Variants in WDR36 observed in about 807,000 individuals in gnomAD.
WDR36 encodes WD repeat domain 36.
In WDR36, 63 loss-of-function variants were observed where a neutral mutation model predicts 112.7. The ratio of observed to expected loss-of-function variants is 0.56; its 90% CI spans 0.46 to 0.69. The LOEUF (loss-of-function observed/expected upper bound fraction) is 0.69, where lower values mean the gene tolerates loss of function less well. WDR36 is among the 30% of genes least tolerant of loss of function. The pLI is 0.00. For missense variants in WDR36, 1,226 were observed against 1,070.3 expected (o/e 1.15, Z -2.03); for synonymous variants, 410 against 362.2 (o/e 1.13, Z -1.50).
chr5:111,125,858 GA>G, intron 22 of WDR36, 63 bp downstream of exon 22: 3 of 1,582,742 alleles, frequency 1.9e-6, no homozygotes, highest in Non-Finnish European at 2.6e-6. Flanking sequence ...CTATCTAACA[GA>G]ACTTTCTGCA....
chr5:111,123,491 CTTAA>C lies in WDR36; in HGVS notation c.2149-311_2149-308del, dbSNP rs569501983. On this transcript the variant is annotated intron_variant, in intron 19 of 22. Coordinates refer to ENST00000513710, the MANE Select transcript of WDR36 (RefSeq NM_139281.3). The stretch of plus-strand genomic sequence containing the variant: ...CAATACAAAAGGAAGTTTAAAATTA[CTTAA>C]TTGTTATATCTTCATGTAAATATAT... Among the ~76,000 whole-genome samples, 190 of 152,212 alleles carry C rather than the reference CTTAA, an allele frequency of 1.2e-3. 1 individual carries two copies. Among genetic ancestry groups the C allele is most frequent in the Middle Eastern group, 0.01 (3 of 294 alleles).
intron 16 of WDR36, among the ~76,000 whole-genome samples, chr5:111,116,325 C>T (rs1237102265): frequency 6.6e-6 from 1 of 152,014 alleles, no homozygotes; most frequent in Non-Finnish European, 1.5e-5. Flanking sequence ...TTCTGTCTCA[C>T]CCCACCCCTA....
intron 15 of WDR36, 142 bp downstream of exon 15, chr5:111,111,420 A>T (rs961085280): frequency 9.6e-6 from 7 of 725,442 alleles, no homozygotes; most frequent in African/African-American, 1.8e-5. Flanking sequence ...TTAAAGGAAA[A>T]TTTTGAATTA....
At position 111,109,402 on chromosome 5, in the gene WDR36, T is replaced by C. The variant is rs548710130; in HGVS notation, c.1327-787T>C. Among the ~76,000 whole-genome samples, 7 of 151,488 alleles carry C rather than the reference T, an allele frequency of 4.6e-5. No homozygotes were observed. The South Asian group carries it at 1.2e-3, about 27-fold the overall frequency. On this transcript the variant is annotated intron_variant, in intron 12 of 22. Coordinates refer to ENST00000513710, the MANE Select transcript of WDR36 (RefSeq NM_139281.3). ...ATATTTATGTGATGCAATGTAAATATGTCGTGACAAAGTGGTATGTCAAAC... is the reference window on the plus strand; with the variant it reads ...ATATTTATGTGATGCAATGTAAATACGTCGTGACAAAGTGGTATGTCAAAC...
intron 3 of WDR36, 60 bp downstream of exon 3, chr5:111,097,239 G>T (rs1421000407): frequency 6.3e-6 from 8 of 1,261,482 alleles, no homozygotes; most frequent in African/African-American, 1.5e-5. Flanking sequence ...ATAGTGGAGG[G>T]AACTTTAATT....
At position 111,129,647 on chromosome 5, in the gene WDR36, C is replaced by A. The variant is rs4957925; in HGVS notation, c.*2764C>A. The A allele has an allele frequency of 0.016, 3,344 of 205,198 alleles. 31 individuals carry two copies. Among genetic ancestry groups the A allele is most frequent in the Middle Eastern group, 0.044 (27 of 608 alleles). 12.7% of individuals were successfully genotyped at this position (205,198 alleles called of 1,614,324 possible). On this transcript the variant is annotated 3_prime_UTR_variant, in exon 23 of 23. Coordinates refer to ENST00000513710, the MANE Select transcript of WDR36 (RefSeq NM_139281.3). ...GTTGCCAATGTTTTCTCCTACTTAG[C>A]CATTTGGCTTTAATTTTACATGGTG... is the stretch of plus-strand genomic sequence containing the variant.
rs1753214335 is a variant in WDR36 at position 111,105,914 on chromosome 5, G to GTAA, written c.1094-139_1094-137dup. ...TTCTTAGAATTAAAAAATAACAGTG[G>GTAA]TAATAACATCTTTGTTTTGTTTCTG... On this transcript the variant is annotated intron_variant, in intron 10 of 22. Coordinates refer to ENST00000513710, the MANE Select transcript of WDR36 (RefSeq NM_139281.3). 7.6e-6 allele frequency: 5 copies of GTAA among 655,878 alleles called. No individual in the cohort carries two copies. The South Asian group carries it at 9.2e-5, about 12-fold the overall frequency. 40.6% of individuals were successfully genotyped at this position (655,878 alleles called of 1,614,324 possible). A position where few individuals can be genotyped will look rare whatever the true frequency, so the allele number is the denominator to read the frequency against.
intron 12 of WDR36, among the ~76,000 whole-genome samples, chr5:111,108,130 C>T (rs1354568595): frequency 6.6e-6 from 1 of 151,178 alleles, no homozygotes; most frequent in African/African-American, 2.4e-5. Context: ...TTAGATCTTC[C>T]TTAATTTTTC....
rs370322067 is a variant in WDR36, at chr5:111,122,485, A to G, written c.2149-1320A>G. 3.5e-4 allele frequency among the ~76,000 whole-genome samples: 53 copies of G among 152,268 alleles called. No individual in the cohort carries two copies. In the South Asian group the frequency reaches 5.0e-3, roughly 14 times the overall value. ...ATAACTTCTATTTTTGCTTTTCTTT[A>G]TAAGACTAGATAATTTCCAGGGCAC... On this transcript the variant is annotated intron_variant, in intron 19 of 22. Transcript: ENST00000513710.
chr5:111,127,140 C>T lies in WDR36; in HGVS notation c.*257C>T, dbSNP rs1249433658. Reference sequence around the variant, plus strand: ...TTGCTTGAAGCCAGGAATTTGAGCCCAGCCTGGGCAACATAGCAAGCAAGA... The same window carrying T: ...TTGCTTGAAGCCAGGAATTTGAGCCTAGCCTGGGCAACATAGCAAGCAAGA... On this transcript the variant is annotated 3_prime_UTR_variant, in exon 23 of 23. Coordinates refer to ENST00000513710, the MANE Select transcript of WDR36 (RefSeq NM_139281.3). The T allele has an allele frequency of 8.5e-6, 3 of 354,334 alleles. No individual in the cohort carries two copies. The highest frequency in any genetic ancestry group is 4.5e-5 in the Admixed American group (1 of 22,144). The allele number at this position is 354,334 out of a possible 1,614,324, so 21.9% of individuals were successfully genotyped here. A position where few individuals can be genotyped will look rare whatever the true frequency, so the allele number is the denominator to read the frequency against.
intron 15 of WDR36, 80 bp downstream of exon 15, chr5:111,111,358 C>A: frequency 9.1e-7 from 1 of 1,097,136 alleles, no homozygotes; most frequent in Non-Finnish European, 1.4e-6. Context: ...GCCTTAAAAT[C>A]ATTATATGAG....
rs1017314234 is a variant in WDR36 at position 111,104,350 on chromosome 5, A to C, written c.904A>C (p.Arg302=). ...LVTNGADNAL[R]IWIFDGPTGE... is the part of the protein sequence containing the mutation. ...CACAAATGGCGCTGACAATGCTCTT[A>C]GGGTATTATGATTATTGTTAACATC... Residue 302 remains arginine (R), a splice_region_variant and synonymous_variant, in exon 8 of 23, where the codon AGG becomes CGG. Coordinates refer to ENST00000513710, the MANE Select transcript of WDR36 (RefSeq NM_139281.3). 5 of 1,611,614 alleles carry C rather than the reference A, an allele frequency of 3.1e-6. No individual in the cohort carries two copies. Among genetic ancestry groups the C allele is most frequent in the Non-Finnish European group, 4.2e-6 (5 of 1,178,274 alleles).
chr5:111,094,286 A>G (rs564884335), intron 1 of WDR36, among the ~76,000 whole-genome samples: 6 of 152,316 alleles, frequency 3.9e-5, no homozygotes, highest in South Asian at 2.1e-4. Flanking sequence ...CCTCATAACA[A>G]TCCCATAAAG....
Position 111,092,450 on chromosome 5 carries a change from G to A in WDR36, c.-7G>A. 1.2e-6 allele frequency: 2 copies of A among 1,614,230 alleles called. No individual in the cohort carries two copies. Among genetic ancestry groups the A allele is most frequent in the Non-Finnish European group, 1.7e-6 (2 of 1,180,038 alleles). ...CAGAGCTGAGAGGAGCTGGGATCGC[G>A]GCGGCAATGGAACGGGCCTCAGAAA... On this transcript the variant is annotated 5_prime_UTR_variant, in exon 1 of 23. Transcript: ENST00000513710.
intron 11 of WDR36, 21 bp from the exon 12 acceptor site, chr5:111,107,273 A>G (rs757131466): frequency 1.9e-6 from 3 of 1,605,306 alleles, no homozygotes; most frequent in Non-Finnish European, 2.6e-6. Context: ...AATTTGATTT[A>G]TGATTTTCAT....
chr5:111,117,080 A>G (rs1753471012), intron 16 of WDR36, among the ~76,000 whole-genome samples: 1 of 152,200 alleles, frequency 6.6e-6, no homozygotes, highest in South Asian at 2.1e-4. Flanking sequence ...TATGGCATAG[A>G]ATAAGTATTT....
Position 111,128,464 on chromosome 5 carries a change from A to T in WDR36, c.*1581A>T, listed in dbSNP as rs1753720218. 5.5e-6 allele frequency: 1 copy of T among 180,646 alleles called. No homozygotes were observed. The highest frequency in any genetic ancestry group is 2.0e-4 in the South Asian group (1 of 5,066). 11.2% of individuals were successfully genotyped at this position (180,646 alleles called of 1,614,324 possible). ...AATGTTAATCATGACTTAAGTTCTAATTTAAAAAACTATTTTCCTCTTTCC... is the reference window on the plus strand; with the variant it reads ...AATGTTAATCATGACTTAAGTTCTATTTTAAAAAACTATTTTCCTCTTTCC... On this transcript the variant is annotated 3_prime_UTR_variant, in exon 23 of 23. Coordinates refer to ENST00000513710, the MANE Select transcript of WDR36 (RefSeq NM_139281.3).
At chr5:111,125,819 T>C (rs749550200) in intron 22 of WDR36, 24 bp downstream of exon 22, 1 of 1,612,688 alleles carries the variant, frequency 6.2e-7, no homozygotes, top group Non-Finnish European at 8.5e-7. Flanking sequence ...AAGACAGTAC[T>C]GCCCAGCTTG....
At chr5:111,109,159 C>G (rs1487764687) in intron 12 of WDR36, among the ~76,000 whole-genome samples, 1 of 151,248 alleles carries the variant, frequency 6.6e-6, no homozygotes, top group Non-Finnish European at 1.5e-5. Context: ...AATGTAGGGC[C>G]TGTATTACTT....
Sources: allele counts gnomAD v4.1 joint callset (sites outside exome capture counted in the v4.1 genomes callset), GRCh38; gene constraint gnomAD v4.1.1; transcripts MANE v1.5; gene names NCBI Gene and HGNC (gene_info 2026-07-23, HGNC 2026-07-21).